SPRED2: variants seen among roughly 807,000 people sequenced by gnomAD.
The protein encoded by SPRED2 is sprouty related EVH1 domain containing 2, also known as sprouty-related, EVH1 domain-containing protein 2.
SPRED2 carries 47 observed loss-of-function variants against 43.0 expected under a neutral mutation model. That is an observed-to-expected ratio of 1.09 (90% CI 0.87 to 1.40). The LOEUF is 1.40. Among genes scored for constraint, SPRED2 ranks in the 40% most tolerant of loss-of-function variants. The probability of loss-of-function intolerance (pLI) is 0.00; values close to 1 mark genes in which losing one functional copy is unlikely to be tolerated. For missense variants in SPRED2, 561 were observed against 586.4 expected (o/e 0.96, Z 0.45); for synonymous variants, 225 against 225.7 (o/e 1.00, Z 0.03).
intron 1 of SPRED2, among the ~76,000 whole-genome samples, chr2:65,348,042 A>G (rs1229181480): frequency 6.6e-6 from 1 of 152,110 alleles, no homozygotes; most frequent in East Asian, 1.9e-4. Flanking sequence ...ATCGCCAAGC[A>G]GAAGTCAAAA....
intron 1 of SPRED2, among the ~76,000 whole-genome samples, chr2:65,385,673 G>A (rs528473243): frequency 1.3e-5 from 2 of 152,268 alleles, no homozygotes; most frequent in East Asian, 3.9e-4. Context: ...AGTGGAAGGA[G>A]AAGGGCAAGA....
chr2:65,334,840 T>C (rs1673917530), intron 2 of SPRED2, 67 bp from the exon 3 acceptor site: 1 of 1,555,654 alleles, frequency 6.4e-7, no homozygotes, highest in African/African-American at 1.4e-5. Flanking sequence ...GTTACAGAAG[T>C]CTAATTAGGA....
chr2:65,403,113 T>C (rs148188524), intron 1 of SPRED2, among the ~76,000 whole-genome samples: 83 of 152,312 alleles, frequency 5.4e-4, no homozygotes, highest in African/African-American at 1.6e-3. Context: ...AGGTCCACAG[T>C]GAATGCTGAA....
At chr2:65,393,582 G>A (rs567532721) in intron 1 of SPRED2, among the ~76,000 whole-genome samples, 1 of 152,160 alleles carries the variant, frequency 6.6e-6, no homozygotes, top group South Asian at 2.1e-4. Flanking sequence ...TGATCCGCCC[G>A]CCTCTGCCTC....
intron 1 of SPRED2, among the ~76,000 whole-genome samples, chr2:65,394,086 G>GA (rs971332852): frequency 3.3e-5 from 5 of 150,742 alleles, no homozygotes; most frequent in Admixed American, 6.6e-5. Flanking sequence ...GCTGCTACTT[G>GA]AAAAAAAAAG....
intron 1 of SPRED2, among the ~76,000 whole-genome samples, chr2:65,410,478 G>A (rs1439800607): frequency 6.6e-6 from 1 of 152,100 alleles, no homozygotes; most frequent in African/African-American, 2.4e-5. Context: ...GTTCCCAACT[G>A]GCCTGGCATG....
intron 4 of SPRED2, among the ~76,000 whole-genome samples, chr2:65,326,767 G>A (rs971780704): frequency 1.8e-4 from 27 of 152,060 alleles, no homozygotes; most frequent in African/African-American, 6.3e-4. Context: ...GCCTCCCAAA[G>A]TGTTGGGATT....
chr2:65,429,846 T>C (rs1343721615), intron 1 of SPRED2, among the ~76,000 whole-genome samples: 2 of 152,174 alleles, frequency 1.3e-5, no homozygotes, highest in Non-Finnish European at 2.9e-5. Flanking sequence ...GTGACAGCAG[T>C]GGAGGCTACG....
intron 1 of SPRED2, among the ~76,000 whole-genome samples, chr2:65,429,019 C>T (rs1482582918): frequency 6.6e-6 from 1 of 152,116 alleles, no homozygotes; most frequent in Admixed American, 6.6e-5. Context: ...AGAGAATGGT[C>T]AGTGTATTTT....
At chr2:65,342,726 T>C (rs1161916112) in intron 2 of SPRED2, among the ~76,000 whole-genome samples, 2 of 152,118 alleles carry the variant, frequency 1.3e-5, no homozygotes, top group African/African-American at 2.4e-5. Flanking sequence ...ATCAGCAACA[T>C]GGAAAATTTC....
At chr2:65,329,940 C>A (rs183015484) in intron 4 of SPRED2, among the ~76,000 whole-genome samples, 3 of 152,148 alleles carry the variant, frequency 2.0e-5, no homozygotes, top group Non-Finnish European at 2.9e-5. Context: ...CAGGTTGGGT[C>A]GGCAATGATC....
chr2:65,339,953 A>G (rs1418371927), intron 2 of SPRED2, among the ~76,000 whole-genome samples: 1 of 152,104 alleles, frequency 6.6e-6, no homozygotes, highest in Non-Finnish European at 1.5e-5. Context: ...TTCAACCAAA[A>G]TAATATATTA....
chr2:65,361,284 T>C (rs988583545), intron 1 of SPRED2, among the ~76,000 whole-genome samples: 1 of 152,266 alleles, frequency 6.6e-6, no homozygotes, highest in Non-Finnish European at 1.5e-5. Flanking sequence ...ATGTTGGCTT[T>C]GCTTTGTTCC....
At chr2:65,401,937 G>GCGCACACACACACACACACACA (rs776512353) in intron 1 of SPRED2, among the ~76,000 whole-genome samples, 1 of 114,714 alleles carries the variant, frequency 8.7e-6, no homozygotes, top group Admixed American at 8.1e-5. Flanking sequence ...GCGCGCGCGC[G>GCGCACACACACACACACACACA]CACACACACA....
intron 1 of SPRED2, among the ~76,000 whole-genome samples, chr2:65,351,417 G>A (rs982495878): frequency 5.9e-5 from 9 of 151,896 alleles, no homozygotes; most frequent in African/African-American, 7.3e-5. Context: ...CTGATTACAC[G>A]GCTCCTTTAT....
downstream of SPRED2, among the ~76,000 whole-genome samples, chr2:65,310,396 G>A (rs554493803): frequency 2.6e-5 from 4 of 151,528 alleles, no homozygotes; most frequent in South Asian, 8.4e-4. Flanking sequence ...AGAGCTGCTC[G>A]GAGGAGACCA....
At chr2:65,409,691 CAA>C (rs59225849) in intron 1 of SPRED2, among the ~76,000 whole-genome samples, 105 of 90,202 alleles carry the variant, frequency 1.2e-3, no homozygotes, top group East Asian at 1.1e-3. Flanking sequence ...CAGTTTCCTG[CAA>C]AAAAAAAAAA....
chr2:65,429,410 A>T (rs1443667255), intron 1 of SPRED2, among the ~76,000 whole-genome samples: 1 of 152,252 alleles, frequency 6.6e-6, no homozygotes, highest in Non-Finnish European at 1.5e-5. Context: ...AGAAAAAAAC[A>T]GATCAAATTC....
rs776100722 is a variant in SPRED2 at position 65,316,715 on chromosome 2, G to C, written c.588+19C>G. The C allele has an allele frequency of 2.5e-6, 4 of 1,599,996 alleles. No individual in the cohort carries two copies. Among genetic ancestry groups the C allele is most frequent in the Admixed American group, 3.5e-5 (2 of 57,582 alleles). On this transcript the variant is annotated intron_variant, in intron 5 of 5. Transcript: ENST00000356388. ...AGGCACCACCCTGATGCCCTCAGAGGAACAGGGCTGCTGCTCACCTGATCG... is the reference window on the plus strand; with the variant it reads ...AGGCACCACCCTGATGCCCTCAGAGCAACAGGGCTGCTGCTCACCTGATCG...
Sources: gnomAD v4.1 joint callset for allele counts (sites outside exome capture counted in the v4.1 genomes callset) on GRCh38, gnomAD v4.1.1 for gene constraint, MANE v1.5 for transcripts, NCBI Gene and HGNC (gene_info 2026-07-23, HGNC 2026-07-21) for gene names.